ADAM19: variants seen among roughly 807,000 people sequenced by gnomAD.
ADAM19 encodes the protein ADAM metallopeptidase domain 19, also known as disintegrin and metalloproteinase domain-containing protein 19.
ADAM19 carries 65 observed loss-of-function variants against 114.7 expected under a neutral mutation model. That is an observed-to-expected ratio of 0.57 (90% CI 0.46 to 0.70). ADAM19 has a LOEUF of 0.70. Ranked by LOEUF, ADAM19 falls within the 30% of genes least tolerant of loss-of-function variation. The probability of loss-of-function intolerance (pLI) is 0.00; values close to 1 mark genes in which losing one functional copy is unlikely to be tolerated. For synonymous variants in ADAM19, 466 were observed against 460.5 expected (o/e 1.01, Z -0.15); for missense variants, 1,063 against 1,204.7 (o/e 0.88, Z 1.74).
chr5:157,498,490 G>C (rs1755437635), intron 13 of ADAM19, among the ~76,000 whole-genome samples: 1 of 152,226 alleles, frequency 6.6e-6, no homozygotes, highest in African/African-American at 2.4e-5. Context: ...TTAAACGTGA[G>C]TTAGAACTAA....
chr5:157,486,761 C>G (rs1754946444), intron 21 of ADAM19, among the ~76,000 whole-genome samples: 1 of 151,940 alleles, frequency 6.6e-6, no homozygotes, highest in South Asian at 2.1e-4. Context: ...TCTTTCATCT[C>G]TCTGTTAGGG....
chr5:157,555,869 A>G lies in ADAM19; in HGVS notation c.251+8504T>C, dbSNP rs188842710. On this transcript the variant is annotated intron_variant, in intron 3 of 22. Transcript: ENST00000257527. Reference sequence around the variant, plus strand: ...GCCTCTTCCAGCTTCTCCTTGGCTCATGGCTGCACCACTCTAATCTCTGCC... The same window carrying G: ...GCCTCTTCCAGCTTCTCCTTGGCTCGTGGCTGCACCACTCTAATCTCTGCC... Among the ~76,000 whole-genome samples the G allele has an allele frequency of 4.4e-3, 676 of 152,318 alleles. 8 individuals carry two copies. Among genetic ancestry groups the G allele is most frequent in the Admixed American group, 3.5e-3 (53 of 15,302 alleles).
chr5:157,546,632 AG>A (rs1359228060), intron 3 of ADAM19, among the ~76,000 whole-genome samples: 3 of 152,192 alleles, frequency 2.0e-5, no homozygotes, highest in African/African-American at 7.2e-5. Context: ...CTTCTCCAGA[AG>A]GGGGGCCTTG....
At position 157,490,419 on chromosome 5, in the gene ADAM19, T is replaced by A. The variant is rs1755113314; in HGVS notation, c.2131A>T (p.Ile711Phe). The change falls in exon 19 of 23, where the codon ATC becomes TTC. Residue 711 changes from isoleucine to phenylalanine, a missense_variant. By Grantham distance (21) the Ile-to-Phe change is conservative (BLOSUM62 0). This residue lies in a region of ADAM19 where 424 missense variants were observed against 445.5 expected (regional missense o/e 0.95). Coordinates refer to ENST00000257527, the MANE Select transcript of ADAM19 (RefSeq NM_033274.5). Reference protein sequence around the residue: ...GPVVAGVLVAILVLAVLMLMY... With the variant: ...GPVVAGVLVAFLVLAVLMLMY... ...AGCATGAGGACCGCCAGCACCAAGA[T>A]GGCCACCAACACTCCAGCTACCACA... The A allele has an allele frequency of 6.2e-7, 1 of 1,614,010 alleles. No homozygotes were observed. Among genetic ancestry groups the A allele is most frequent in the African/African-American group, 1.3e-5 (1 of 74,902 alleles).
At position 157,479,915 on chromosome 5, in the gene ADAM19, C is replaced by T; in HGVS notation, c.*1034G>A. The T allele has an allele frequency of 1.0e-6, 1 of 985,904 alleles. No individual in the cohort carries two copies. The highest frequency in any genetic ancestry group is 1.2e-6 in the Non-Finnish European group (1 of 830,056). 61.1% of individuals were successfully genotyped at this position (985,904 alleles called of 1,614,324 possible). ...TAGCTTAGAGTAAGGAGGAAGACCC[C>T]CACCCTGCTGAGGTCACAAAACACA... On this transcript the variant is annotated 3_prime_UTR_variant, in exon 23 of 23. Coordinates refer to ENST00000257527, the MANE Select transcript of ADAM19 (RefSeq NM_033274.5).
chr5:157,527,916 C>G (rs1254170009), intron 5 of ADAM19, among the ~76,000 whole-genome samples: 1 of 151,910 alleles, frequency 6.6e-6, no homozygotes, highest in African/African-American at 2.4e-5. Context: ...GAAGAGGGGG[C>G]CTAGCAACCA....
In ADAM19 at chr5:157,567,171, G is replaced by C. The variant is rs375856029; in HGVS notation, c.181-2728C>G. The stretch of plus-strand genomic sequence containing the variant: ...CAAACCCCACTCTGCATTAGGATTT[G>C]GGCATTTCTGAGACTTTGAGGTCAC... On this transcript the variant is annotated intron_variant, in intron 2 of 22. Transcript: ENST00000257527. Among the ~76,000 whole-genome samples, 113 of 152,282 alleles carry C rather than the reference G, an allele frequency of 7.4e-4. No homozygotes were observed. In the South Asian group the frequency reaches 0.012, roughly 16 times the overall value.
chr5:157,496,876 T>TCCCCAGGAGAGCCTTACC lies in ADAM19; in HGVS notation c.1594_1594+17dup. ...AGTGGTGGGCTGGGGAGAGCCGTGC[T>TCCCCAGGAGAGCCTTACC]CCCCAGGAGAGCCTTACCGGGTCCC... On this transcript the variant is annotated intron_variant, in intron 14 of 22. Transcript: ENST00000257527. 1 of 1,533,160 alleles carries TCCCCAGGAGAGCCTTACC rather than the reference T, an allele frequency of 6.5e-7. No homozygotes were observed. The highest frequency in any genetic ancestry group is 8.7e-7 in the Non-Finnish European group (1 of 1,144,800). The allele number at this position is 1,533,160 out of a possible 1,614,324, so 95.0% of individuals were successfully genotyped here. A position where few individuals can be genotyped will look rare whatever the true frequency, so the allele number is the denominator to read the frequency against.
intron 8 of ADAM19, 91 bp downstream of exon 8, chr5:157,513,343 T>C (rs1581317160): frequency 7.7e-7 from 1 of 1,298,770 alleles, no homozygotes; most frequent in African/African-American, 1.5e-5. Flanking sequence ...AGAAGATGGC[T>C]GGGGCAGCCA....
rs1335633282 is a variant in ADAM19 at position 157,507,078 on chromosome 5, T to C, written c.968A>G (p.Tyr323Cys). The change falls in exon 10 of 23, where the codon TAC becomes TGC. Residue 323 changes from tyrosine to cysteine, a missense_variant. Physicochemically the swap from Tyr to Cys is radical, Grantham distance 194 (BLOSUM62 -2). Around this residue, in one of 3 missense-constraint regions of ADAM19, gnomAD observed 615 missense variants for 706.3 expected, o/e 0.87. Transcript: ENST00000257527. Reference sequence around the variant, plus strand: ...CACCATGTTGACTCCTCCAGACTGGTACACAGAGCACATGGCCATGAGGGG... The same window carrying C: ...CACCATGTTGACTCCTCCAGACTGGCACACAGAGCACATGGCCATGAGGGG... ...LAPLMAMCSV[Y>C]QSGGVNMDHS... The C allele has an allele frequency of 1.2e-6, 2 of 1,614,106 alleles. No homozygotes were observed. Among genetic ancestry groups the C allele is most frequent in the Admixed American group, 1.7e-5 (1 of 60,022 alleles).
chr5:157,565,130 A>T (rs1041845416), intron 2 of ADAM19, among the ~76,000 whole-genome samples: 2 of 152,212 alleles, frequency 1.3e-5, no homozygotes, highest in Non-Finnish European at 2.9e-5. Context: ...GCAGTTTGGT[A>T]GTGGCCACAG....
In ADAM19 at chr5:157,490,464, A is replaced by G. The variant is rs745902922; in HGVS notation, c.2096-10T>C. 2 of 1,613,146 alleles carry G rather than the reference A, an allele frequency of 1.2e-6. No individual in the cohort carries two copies. Among genetic ancestry groups the G allele is most frequent in the Admixed American group, 3.3e-5 (2 of 59,998 alleles). On this transcript the variant is annotated splice_polypyrimidine_tract_variant and intron_variant, in intron 18 of 22. Transcript: ENST00000257527. ...ACCACAGGACCCACACCTTCCAGAAACAGAACCCAAGTGGGAGATTTAGAA... is the reference window on the plus strand; with the variant it reads ...ACCACAGGACCCACACCTTCCAGAAGCAGAACCCAAGTGGGAGATTTAGAA...
At chr5:157,550,658 G>A (rs1360303013) in intron 3 of ADAM19, among the ~76,000 whole-genome samples, 1 of 149,980 alleles carries the variant, frequency 6.7e-6, no homozygotes, top group Non-Finnish European at 1.5e-5. Context: ...TATATGGTAT[G>A]TGAGTTGTAT....
intron 19 of ADAM19, among the ~76,000 whole-genome samples, chr5:157,490,020 A>C (rs1755094635): frequency 1.3e-5 from 2 of 152,202 alleles, no homozygotes; most frequent in Non-Finnish European, 2.9e-5. Flanking sequence ...GGAATAAATC[A>C]ACTAGACAAA....
intron 5 of ADAM19, among the ~76,000 whole-genome samples, chr5:157,528,368 G>A (rs950944487): frequency 6.6e-6 from 1 of 152,208 alleles, no homozygotes; most frequent in Non-Finnish European, 1.5e-5. Context: ...GCCAAGCCAA[G>A]TTCCCACTGC....
In ADAM19 at chr5:157,493,125, C is replaced by T. The variant is rs1181246501; in HGVS notation, c.1756G>A (p.Glu586Lys). 1.1e-5 allele frequency: 17 copies of T among 1,614,250 alleles called. No individual in the cohort carries two copies. Among genetic ancestry groups the T allele is most frequent in the Non-Finnish European group, 1.4e-5 (17 of 1,180,042 alleles). ...GTGTCAATGGGCACCGCGTTGGACTCCAGGGGCCGGGCCTCAGAGCTCTGA... is the reference window on the plus strand; with the variant it reads ...GTGTCAATGGGCACCGCGTTGGACTTCAGGGGCCGGGCCTCAGAGCTCTGA... Reference protein sequence around the residue: ...QCQSSEARPLESNAVPIDTTI... With the variant: ...QCQSSEARPLKSNAVPIDTTI... The change falls in exon 16 of 23, where the codon GAG becomes AAG. Residue 586 changes from glutamate to lysine, a missense_variant. By Grantham distance (56) the Glu-to-Lys change is moderately conservative (BLOSUM62 1). Transcript: ENST00000257527.
At chr5:157,563,040 C>T (rs1757553457) in intron 3 of ADAM19, among the ~76,000 whole-genome samples, 1 of 152,024 alleles carries the variant, frequency 6.6e-6, no homozygotes, top group Non-Finnish European at 1.5e-5. Context: ...CAAAGGCAGG[C>T]CCCCGAGAGA....
intron 2 of ADAM19, chr5:157,570,633 C>T: frequency 2.7e-6 from 1 of 363,692 alleles, no homozygotes; most frequent in Non-Finnish European, 5.0e-6. Context: ...ATTTCTGTGA[C>T]ACCAACACAT....
At chr5:157,493,327 C>T (rs1755237973) in intron 15 of ADAM19, 150 bp from the exon 16 acceptor site, 2 of 736,656 alleles carry the variant, frequency 2.7e-6, no homozygotes, top group Non-Finnish European at 4.4e-6. Context: ...TTGGAACCCA[C>T]CAGGAGAGAT....
Sources: allele counts gnomAD v4.1 joint callset (sites outside exome capture counted in the v4.1 genomes callset), GRCh38; gene constraint gnomAD v4.1.1; regional missense constraint gnomAD v4.1.1; transcripts MANE v1.5; gene names NCBI Gene and HGNC (gene_info 2026-07-23, HGNC 2026-07-21).